Variants in ATXN7L1 observed in about 807,000 individuals in gnomAD.
The protein encoded by ATXN7L1 is ataxin 7 like 1.
In ATXN7L1, 15 loss-of-function variants were observed where a neutral mutation model predicts 70.8. The observed-to-expected ratio is 0.21, with a 90% confidence interval of 0.14 to 0.33. The LOEUF (loss-of-function observed/expected upper bound fraction) is 0.33. Among genes scored for constraint, ATXN7L1 ranks in the 10% least tolerant of loss-of-function variants. The probability of loss-of-function intolerance (pLI) is 1.00; values close to 1 mark genes in which losing one functional copy is unlikely to be tolerated. For synonymous variants in ATXN7L1, 440 were observed against 445.1 expected (o/e 0.99, Z 0.14); for missense variants, 975 against 1,097.1 (o/e 0.89, Z 1.57).
chr7:105,655,243 C>T (rs1800433260), intron 4 of ATXN7L1, among the ~76,000 whole-genome samples: 1 of 152,222 alleles, frequency 6.6e-6, no homozygotes, highest in Non-Finnish European at 1.5e-5. Context: ...CCCACGGCCT[C>T]CCTGTCCTGG....
chr7:105,855,338 G>T lies in ATXN7L1; in HGVS notation c.250+20474C>A, dbSNP rs536114012. Among the ~76,000 whole-genome samples the T allele has an allele frequency of 2.4e-4, 37 of 152,320 alleles. 1 individual carries two copies. In the South Asian group the frequency reaches 6.8e-3, roughly 28 times the overall value. On this transcript the variant is annotated intron_variant, in intron 2 of 11. Transcript: ENST00000419735. ...GACAATACATTAAAAAATGAGTGTGGCTATGTTCCAATAAAACTTTATTAA... is the reference window on the plus strand; with the variant it reads ...GACAATACATTAAAAAATGAGTGTGTCTATGTTCCAATAAAACTTTATTAA...
rs775994784 is a variant in ATXN7L1 at position 105,758,130 on chromosome 7, G to A, written c.355+30474C>T. ...CTCTCTTCTTGAGGTTTCCCACCTC[G>A]GCCTCTAAGAGCTATGGTGGAATGA... is the stretch of plus-strand genomic sequence containing the variant. On this transcript the variant is annotated intron_variant, in intron 3 of 11. Transcript: ENST00000419735. Among the ~76,000 whole-genome samples, 5 of 152,046 alleles carry A rather than the reference G, an allele frequency of 3.3e-5. No individual in the cohort carries two copies. In the East Asian group the frequency reaches 5.8e-4, roughly 18 times the overall value.
intron 3 of ATXN7L1, among the ~76,000 whole-genome samples, chr7:105,776,010 G>T (rs1050289467): frequency 6.6e-6 from 1 of 152,194 alleles, no homozygotes; most frequent in Non-Finnish European, 1.5e-5. Flanking sequence ...TCCAGAGAAA[G>T]CACTGTTTGG....
chr7:105,613,716 A>G, intron 10 of ATXN7L1, 146 bp downstream of exon 10: 2 of 1,503,144 alleles, frequency 1.3e-6, no homozygotes, highest in Non-Finnish European at 1.8e-6. Context: ...GTGCTCTCAA[A>G]GCAGAGGGTG....
At position 105,771,689 on chromosome 7, in the gene ATXN7L1, T is replaced by C. The variant is rs554033832; in HGVS notation, c.355+16915A>G. Among the ~76,000 whole-genome samples, 101 of 152,318 alleles carry C rather than the reference T, an allele frequency of 6.6e-4. 1 individual carries two copies. The South Asian group carries it at 0.019, about 28-fold the overall frequency. On this transcript the variant is annotated intron_variant, in intron 3 of 11. Coordinates refer to ENST00000419735, the MANE Select transcript of ATXN7L1 (RefSeq NM_020725.2). ...CCATGATTTCAATTCTTTATTGTAA[T>C]TACCAGTTGACTGTAAGTGGGTAAA...
chr7:105,657,074 C>T (rs1800768290), intron 4 of ATXN7L1, among the ~76,000 whole-genome samples: 1 of 152,114 alleles, frequency 6.6e-6, no homozygotes, highest in African/African-American at 2.4e-5. Flanking sequence ...CTAAGGGCCA[C>T]GGTCCAGTAT....
At chr7:105,696,132 G>A (rs772996609) in intron 3 of ATXN7L1, among the ~76,000 whole-genome samples, 12 of 152,182 alleles carry the variant, frequency 7.9e-5, no homozygotes, top group Non-Finnish European at 1.3e-4. Flanking sequence ...ACACCCGAAG[G>A]TCAGGGAAGT....
chr7:105,738,808 G>T (rs1797695996), intron 3 of ATXN7L1, among the ~76,000 whole-genome samples: 1 of 152,184 alleles, frequency 6.6e-6, no homozygotes, highest in African/African-American at 2.4e-5. Flanking sequence ...TGTGGGTCTG[G>T]TGCACCTTTG....
intron 2 of ATXN7L1, chr7:105,819,755 C>T (rs1215002358): frequency 2.7e-6 from 2 of 733,198 alleles, no homozygotes; most frequent in Non-Finnish European, 5.0e-6. Context: ...GGCATGTTGC[C>T]CCACAAGACA....
At chr7:105,735,745 T>G (rs956500023) in intron 3 of ATXN7L1, among the ~76,000 whole-genome samples, 22 of 152,086 alleles carry the variant, frequency 1.4e-4, no homozygotes, top group African/African-American at 5.1e-4. Context: ...TATTTGTCTT[T>G]TCTTTTCACT....
intron 2 of ATXN7L1, among the ~76,000 whole-genome samples, chr7:105,800,835 T>C (rs1563103916): frequency 6.6e-6 from 1 of 152,254 alleles, no homozygotes; most frequent in Non-Finnish European, 1.5e-5. Flanking sequence ...CTTATGCCAG[T>C]GATAGCATCT....
chr7:105,678,959 C>A, intron 3 of ATXN7L1: 1 of 618,618 alleles, frequency 1.6e-6, no homozygotes, highest in Non-Finnish European at 2.0e-6. Flanking sequence ...CGTGGGCTGC[C>A]AGCATGATCT....
intron 3 of ATXN7L1, among the ~76,000 whole-genome samples, chr7:105,749,473 G>A (rs1033144596): frequency 1.3e-5 from 2 of 151,704 alleles, no homozygotes; most frequent in African/African-American, 4.8e-5. Flanking sequence ...GGGGCAGGAT[G>A]TACACACAGT....
intron 3 of ATXN7L1, among the ~76,000 whole-genome samples, chr7:105,712,252 G>A (rs756107165): frequency 6.6e-6 from 1 of 152,164 alleles, no homozygotes; most frequent in African/African-American, 2.4e-5. Flanking sequence ...TGATGGGAGG[G>A]GCTGCTGTGA....
chr7:105,788,961 G>A (rs1804727679), intron 2 of ATXN7L1, among the ~76,000 whole-genome samples: 1 of 152,190 alleles, frequency 6.6e-6, no homozygotes, highest in South Asian at 2.1e-4. Flanking sequence ...AGTCTGTGGT[G>A]TCGAGGGGCT....
At chr7:105,732,548 G>C (rs1796691780) in intron 3 of ATXN7L1, among the ~76,000 whole-genome samples, 1 of 152,130 alleles carries the variant, frequency 6.6e-6, no homozygotes, top group African/African-American at 2.4e-5. Context: ...TTAGCAGCTT[G>C]GGACCATGGA....
At chr7:105,667,087 T>C (rs995789780) in intron 3 of ATXN7L1, among the ~76,000 whole-genome samples, 11 of 152,210 alleles carry the variant, frequency 7.2e-5, no homozygotes, top group African/African-American at 2.4e-4. Context: ...GCCAAAATAT[T>C]GAACAATTTT....
intron 3 of ATXN7L1, among the ~76,000 whole-genome samples, chr7:105,774,917 T>A (rs905786963): frequency 4.6e-5 from 7 of 152,098 alleles, no homozygotes; most frequent in Non-Finnish European, 8.8e-5. Flanking sequence ...AAGCAAAGTA[T>A]CTATGACGCT....
At chr7:105,740,018 C>T (rs752497073) in intron 3 of ATXN7L1, among the ~76,000 whole-genome samples, 7 of 152,212 alleles carry the variant, frequency 4.6e-5, no homozygotes, top group South Asian at 2.1e-4. Flanking sequence ...AGACTATATA[C>T]TGTATATATA....
Sources: gnomAD v4.1 joint callset for allele counts (sites outside exome capture counted in the v4.1 genomes callset) on GRCh38, gnomAD v4.1.1 for gene constraint, MANE v1.5 for transcripts, NCBI Gene and HGNC (gene_info 2026-07-23, HGNC 2026-07-21) for gene names.